Variants in KIF20A observed in about 807,000 individuals in gnomAD.
KIF20A encodes kinesin family member 20A.
KIF20A carries 66 observed loss-of-function variants against 113.0 expected under a neutral mutation model. The ratio of observed to expected loss-of-function variants is 0.58; its 90% CI spans 0.48 to 0.72. KIF20A has a LOEUF of 0.72. KIF20A is among the 30% of genes least tolerant of loss of function. The pLI is 0.00. For missense variants in KIF20A, 927 were observed against 1,077.6 expected (o/e 0.86, Z 1.96); for synonymous variants, 376 against 402.3 (o/e 0.93, Z 0.78).
Position 138,187,573 on chromosome 5 carries a change from A to G in KIF20A, c.*160A>G, listed in dbSNP as rs1754767326. On this transcript the variant is annotated 3_prime_UTR_variant, in exon 19 of 19. Coordinates refer to ENST00000394894, the MANE Select transcript of KIF20A (RefSeq NM_005733.3). ...TCTCACTTTTGTATTATAACCACCT[A>G]TGTAATCTCATGTTGTTGTTTTTTT... 1 of 552,618 alleles carries G rather than the reference A, an allele frequency of 1.8e-6. No individual in the cohort carries two copies. Among genetic ancestry groups the G allele is most frequent in the Admixed American group, 3.6e-5 (1 of 27,740 alleles). 34.2% of individuals were successfully genotyped at this position (552,618 alleles called of 1,614,324 possible).
At chr5:138,184,710 T>C (rs1355661625) in intron 13 of KIF20A, 34 bp downstream of exon 13, 2 of 1,611,040 alleles carry the variant, frequency 1.2e-6, no homozygotes, top group Non-Finnish European at 1.7e-6. Flanking sequence ...TGTAGCAGCT[T>C]AGTAGCTACA....
chr5:138,184,561 T>A lies in KIF20A; in HGVS notation c.1568T>A (p.Phe523Tyr). 6.2e-7 allele frequency: 1 copy of A among 1,614,170 alleles called. No homozygotes were observed. Among genetic ancestry groups the A allele is most frequent in the Non-Finnish European group, 8.5e-7 (1 of 1,180,004 alleles). Residue 523 changes from phenylalanine to tyrosine, a missense_variant, in exon 13 of 19, where the codon TTC becomes TAC. By Grantham distance (22) the Phe-to-Tyr change is conservative (BLOSUM62 3). Transcript: ENST00000394894. Reference protein sequence around the residue: ...MQLGFPSLHSFIKEHSLQVSP... With the variant: ...MQLGFPSLHSYIKEHSLQVSP... ...CTGGGATTCCCATCCCTGCACTCGT[T>A]CATCAAGGAACATAGTCTTCAGGTA...
rs776769165 is a variant in KIF20A, at chr5:138,183,993, C to T, written c.1240C>T (p.Arg414Cys). ...ACTCTGTGATCTGGCTGGCTCAGAG[C>T]GCTGCAAAGATCAGAAGAGTGGTGA... is the stretch of plus-strand genomic sequence containing the variant. ...LSLCDLAGSERCKDQKSGERL... is the reference protein window; with the variant it reads ...LSLCDLAGSECCKDQKSGERL... The change falls in exon 11 of 19, where the codon CGC (arginine) becomes TGC (cysteine). Residue 414 changes from arginine (R) to cysteine (C), a missense_variant. Arg to Cys is a radical substitution (Grantham distance 180). Coordinates refer to ENST00000394894, the MANE Select transcript of KIF20A (RefSeq NM_005733.3). This position sits in a 1 kb window ranked among gnomAD's most constrained non-coding sequence, Gnocchi z 5.2. 1.1e-5 allele frequency: 17 copies of T among 1,613,988 alleles called. No individual in the cohort carries two copies. Among genetic ancestry groups the T allele is most frequent in the African/African-American group, 6.7e-5 (5 of 74,872 alleles).
chr5:138,182,905 T>C lies in KIF20A; in HGVS notation c.747T>C (p.Ser249=). 6.2e-7 allele frequency: 1 copy of C among 1,614,146 alleles called. No individual in the cohort carries two copies. The highest frequency in any genetic ancestry group is 8.5e-7 in the Non-Finnish European group (1 of 1,180,018). ...TGAAGAGGAGTGTCTACATCGAAAG[T>C]CGGATAGGTACCAGCACCAGCTTCG... ...TSLKRSVYIE[S]RIGTSTSFDS... is the part of the protein sequence containing the mutation. Residue 249 remains serine (S), a synonymous_variant, in exon 7 of 19, where the codon AGT becomes AGC. Transcript: ENST00000394894.
Position 138,179,747 on chromosome 5 carries a change from A to G in KIF20A, c.67A>G (p.Met23Val), listed in dbSNP as rs766467084. ...LSDDDVVVSP[M>V]FESTAADLGS... ...CGATGACGATGTCGTAGTTTCTCCC[A>G]TGTTTGAGTCCACAGCTGCAGATTT... The change falls in exon 2 of 19, where the codon ATG (methionine) becomes GTG (valine). Residue 23 changes from methionine to valine, a missense_variant. Coordinates refer to ENST00000394894, the MANE Select transcript of KIF20A (RefSeq NM_005733.3). 6.2e-7 allele frequency: 1 copy of G among 1,614,060 alleles called. No homozygotes were observed. Among genetic ancestry groups the G allele is most frequent in the East Asian group, 2.2e-5 (1 of 44,862 alleles).
Position 138,183,477 on chromosome 5 carries a change from C to T in KIF20A, c.1035C>T (p.Asn345=), listed in dbSNP as rs771510754. The change falls in exon 9 of 19, where the codon AAC becomes AAT. Residue 345 remains asparagine, a synonymous_variant. Coordinates refer to ENST00000394894, the MANE Select transcript of KIF20A (RefSeq NM_005733.3). This position sits in a 1 kb window ranked among gnomAD's most constrained non-coding sequence, Gnocchi z 5.2. Reference sequence around the variant, plus strand: ...CCTCTCCTTTGGCCCCAGATCTCAACTGGATTCATGTGCAAGATGCTGAGG... The same window carrying T: ...CCTCTCCTTTGGCCCCAGATCTCAATTGGATTCATGTGCAAGATGCTGAGG... ...QNGNPYVKDL[N]WIHVQDAEEA... 6.2e-7 allele frequency: 1 copy of T among 1,614,098 alleles called. No individual in the cohort carries two copies. The highest frequency in any genetic ancestry group is 1.7e-5 in the Admixed American group (1 of 60,022).
At chr5:138,179,590 T>A (rs1754602652) in intron 1 of KIF20A, 70 bp from the exon 2 acceptor site, 3 of 1,265,102 alleles carry the variant, frequency 2.4e-6, no homozygotes, top group Non-Finnish European at 3.4e-6. Flanking sequence ...AGGGACTTAT[T>A]ACCTAAAATT....
At position 138,186,423 on chromosome 5, in the gene KIF20A, A is replaced by C. The variant is rs1330447695; in HGVS notation, c.2347A>C (p.Ile783Leu). 1 of 1,612,906 alleles carries C rather than the reference A, an allele frequency of 6.2e-7. No homozygotes were observed. Among genetic ancestry groups the C allele is most frequent in the African/African-American group, 1.3e-5 (1 of 74,836 alleles). Reference sequence around the variant, plus strand: ...CTTGACCACTTGTGATGACATCTTAATCAAACAGGTTAGGGCAAACTATAT... The same window carrying C: ...CTTGACCACTTGTGATGACATCTTACTCAAACAGGTTAGGGCAAACTATAT... ...QALTTCDDIL[I>L]KQDQTLAELQ... Residue 783 changes from isoleucine to leucine, a missense_variant, in exon 18 of 19, where the codon ATC (isoleucine) becomes CTC (leucine). Physicochemically the swap from Ile to Leu is conservative, Grantham distance 5 (BLOSUM62 2). Transcript: ENST00000394894.
At chr5:138,184,979 C>A (rs752498135) in intron 14 of KIF20A, 33 bp downstream of exon 14, 3 of 1,610,900 alleles carry the variant, frequency 1.9e-6, no homozygotes, top group Admixed American at 3.3e-5. Flanking sequence ...TGCTCTGTCA[C>A]CTGAGACAGA....
chr5:138,182,728 G>A lies in KIF20A; in HGVS notation c.657G>A (p.Gln219=), dbSNP rs1232975919. The A allele has an allele frequency of 3.1e-6, 5 of 1,613,908 alleles. No homozygotes were observed. Among genetic ancestry groups the A allele is most frequent in the South Asian group, 1.1e-5 (1 of 91,086 alleles). ...GGCTAGACAGCAAGCAGATCCGACAGGAGGAAATGAAGAAGCTGTCCCTGC... is the reference window on the plus strand; with the variant it reads ...GGCTAGACAGCAAGCAGATCCGACAAGAGGAAATGAAGAAGCTGTCCCTGC... ...VIWLDSKQIR[Q]EEMKKLSLLN... The change falls in exon 6 of 19, where the codon CAG becomes CAA. Residue 219 remains glutamine, a synonymous_variant. Transcript: ENST00000394894.
chr5:138,185,838 A>G, intron 16 of KIF20A, 123 bp from the exon 17 acceptor site: 2 of 1,311,246 alleles, frequency 1.5e-6, no homozygotes, highest in Non-Finnish European at 2.2e-6. Context: ...TGACATTTCA[A>G]TCTAGGATAC....
At chr5:138,186,512 A>G in intron 18 of KIF20A, 81 bp downstream of exon 18, 2 of 1,469,614 alleles carry the variant, frequency 1.4e-6, no homozygotes, top group East Asian at 2.4e-5. Flanking sequence ...GACCAGAAGA[A>G]AAAGGTAAAG....
intron 11 of KIF20A, 59 bp from the exon 12 acceptor site, chr5:138,184,180 A>G: frequency 6.2e-7 from 1 of 1,610,876 alleles, no homozygotes; most frequent in South Asian, 1.1e-5. Context: ...GGATGGTGCT[A>G]GGATACCCAA....
Position 138,179,731 on chromosome 5 carries a change from T to C in KIF20A, c.51T>C (p.Asp17=). Residue 17 remains aspartate (D), a synonymous_variant, in exon 2 of 19, where the codon GAT becomes GAC. Transcript: ENST00000394894. ...SPPAGLLSDD[D]VVVSPMFEST... is the part of the protein sequence containing the mutation. Reference sequence around the variant, plus strand: ...CAGCGGGCTTGCTGTCCGATGACGATGTCGTAGTTTCTCCCATGTTTGAGT... The same window carrying C: ...CAGCGGGCTTGCTGTCCGATGACGACGTCGTAGTTTCTCCCATGTTTGAGT... 1.2e-6 allele frequency: 2 copies of C among 1,614,116 alleles called. No individual in the cohort carries two copies. The highest frequency in any genetic ancestry group is 1.7e-6 in the Non-Finnish European group (2 of 1,180,026).
chr5:138,182,349 A>G lies in KIF20A; in HGVS notation c.402A>G (p.Ala134=). 8 of 1,614,058 alleles carry G rather than the reference A, an allele frequency of 5.0e-6. No individual in the cohort carries two copies. The highest frequency in any genetic ancestry group is 6.8e-6 in the Non-Finnish European group (8 of 1,179,976). The change falls in exon 5 of 19, where the codon GCA becomes GCG. Residue 134 remains alanine (A), a synonymous_variant. Transcript: ENST00000394894. ...SQIFGPEVGQ[A]SFFNLTVKEM... ...TCTTTGGGCCAGAAGTGGGACAGGC[A>G]TCCTTCTTCAACCTAACTGTGAAGG...
Position 138,181,736 on chromosome 5 carries a change from G to T in KIF20A, c.375+8G>T. ...AGGTTCACCTTTTCCCAGGTATGGA[G>T]GGTACTGGTTTGTGAACAAAAGACC... On this transcript the variant is annotated splice_region_variant and intron_variant, in intron 4 of 18. Transcript: ENST00000394894. 1.2e-6 allele frequency: 2 copies of T among 1,613,428 alleles called. No homozygotes were observed. Among genetic ancestry groups the T allele is most frequent in the Non-Finnish European group, 1.7e-6 (2 of 1,180,032 alleles).
chr5:138,186,587 A>C (rs1754749340), intron 18 of KIF20A, among the ~76,000 whole-genome samples, 156 bp downstream of exon 18: 1 of 152,258 alleles, frequency 6.6e-6, no homozygotes, highest in Admixed American at 6.5e-5. Context: ...ATTCTTTGTT[A>C]AGCATTTACT....
chr5:138,185,620 A>C lies in KIF20A; in HGVS notation c.2035A>C (p.Arg679=). Residue 679 remains arginine, a synonymous_variant, in exon 16 of 19, where the codon AGG becomes CGG. Transcript: ENST00000394894. ...TGAATTGGCCCTACGGCGGTCACAA[A>C]GGTTGGCAGCTTCTGCCTCCACCCA... ...GSELALRRSQ[R]LAASASTQQL... The C allele has an allele frequency of 6.2e-7, 1 of 1,614,196 alleles. No homozygotes were observed.
rs116260624 is a variant in KIF20A at position 138,183,412 on chromosome 5, G to C, written c.1027+49G>C. 6.2e-7 allele frequency: 1 copy of C among 1,612,478 alleles called. No individual in the cohort carries two copies. Among genetic ancestry groups the C allele is most frequent in the Non-Finnish European group, 8.5e-7 (1 of 1,178,562 alleles). Reference sequence around the variant, plus strand: ...GCATGAACCCTGGAGGGCAACTGGGGAGAGACTGGCAAAAGAGTTGGATGT... The same window carrying C: ...GCATGAACCCTGGAGGGCAACTGGGCAGAGACTGGCAAAAGAGTTGGATGT... On this transcript the variant is annotated intron_variant, in intron 8 of 18. Transcript: ENST00000394894. This position sits in a 1 kb window ranked among gnomAD's most constrained non-coding sequence, Gnocchi z 5.2.
Sources: gnomAD v4.1 joint callset for allele counts (sites outside exome capture counted in the v4.1 genomes callset) on GRCh38, gnomAD v4.1.1 for gene constraint, Gnocchi (gnomAD v3.1) non-coding constraint, MANE v1.5 for transcripts, NCBI Gene and HGNC (gene_info 2026-07-23, HGNC 2026-07-21) for gene names.